APBA2: variants seen among roughly 807,000 people sequenced by gnomAD.
APBA2 encodes the protein amyloid-beta A4 precursor protein-binding family A member 2.
Under a neutral mutation model 75.0 loss-of-function variants are expected in APBA2, and 30 were observed. The observed-to-expected ratio is 0.40, with a 90% confidence interval of 0.30 to 0.54. The LOEUF (loss-of-function observed/expected upper bound fraction) is 0.54. APBA2 is among the 20% of genes least tolerant of loss of function. The pLI, the probability that APBA2 is intolerant of heterozygous loss-of-function variation, is 0.49. For synonymous variants in APBA2, 444 were observed against 409.6 expected (o/e 1.08, Z -1.01); for missense variants, 801 against 1,016.1 (o/e 0.79, Z 2.88).
intron 1 of APBA2, among the ~76,000 whole-genome samples, chr15:28,903,959 G>A (rs1208676172): frequency 6.6e-6 from 1 of 152,158 alleles, no homozygotes; most frequent in Non-Finnish European, 1.5e-5. Context: ...CGGATTTTGT[G>A]ACAAAATTAG....
At chr15:28,990,225 C>T (rs1419093936) in intron 2 of APBA2, among the ~76,000 whole-genome samples, 3 of 151,982 alleles carry the variant, frequency 2.0e-5, no homozygotes, top group East Asian at 1.9e-4. Context: ...GCCTGGCCAA[C>T]GTGGCGAAAC....
chr15:28,970,899 CAT>C (rs1048016492), intron 2 of APBA2, among the ~76,000 whole-genome samples: 3 of 152,114 alleles, frequency 2.0e-5, no homozygotes, highest in African/African-American at 7.2e-5. Context: ...TATGTGTGCC[CAT>C]GTGTGTGCAC....
chr15:29,045,838 T>G (rs1265275285), intron 3 of APBA2, among the ~76,000 whole-genome samples: 1 of 152,196 alleles, frequency 6.6e-6, no homozygotes, highest in Non-Finnish European at 1.5e-5. Flanking sequence ...TGGGAAGTAA[T>G]GTGCCCTCAG....
At chr15:29,098,230 A>G (rs551108093) in intron 8 of APBA2, among the ~76,000 whole-genome samples, 4 of 152,000 alleles carry the variant, frequency 2.6e-5, no homozygotes, top group African/African-American at 7.2e-5. Flanking sequence ...CCGCCATTCT[A>G]TTCTCCACAG....
intron 5 of APBA2, among the ~76,000 whole-genome samples, chr15:29,075,804 C>T (rs373087384): frequency 2.2e-4 from 33 of 152,206 alleles, no homozygotes; most frequent in African/African-American, 7.7e-4. Flanking sequence ...CCCTAGGCTC[C>T]CTTCTAGTCA....
chr15:28,919,144 G>A (rs917993979), intron 1 of APBA2, among the ~76,000 whole-genome samples: 1 of 152,212 alleles, frequency 6.6e-6, no homozygotes, highest in Non-Finnish European at 1.5e-5. Context: ...ACAGGCGTGA[G>A]CCACTGCGCC....
intron 1 of APBA2, among the ~76,000 whole-genome samples, chr15:28,887,028 A>G (rs1217686579): frequency 6.6e-6 from 1 of 152,202 alleles, no homozygotes; most frequent in East Asian, 1.9e-4. Flanking sequence ...GGAGGGGGCG[A>G]ACTTCCTTTC....
intron 6 of APBA2, among the ~76,000 whole-genome samples, chr15:29,081,385 T>C (rs769626388): frequency 3.9e-5 from 6 of 152,224 alleles, no homozygotes; most frequent in Non-Finnish European, 5.9e-5. Flanking sequence ...ATGTTTCTCC[T>C]GTACTACATG....
At chr15:28,897,985 G>A (rs928857141) in intron 1 of APBA2, among the ~76,000 whole-genome samples, 2 of 152,158 alleles carry the variant, frequency 1.3e-5, no homozygotes, top group East Asian at 1.9e-4. Flanking sequence ...CTCAAGGATC[G>A]TATAAGAGAG....
chr15:29,060,466 T>A (rs2152900662), intron 4 of APBA2, among the ~76,000 whole-genome samples: 1 of 152,352 alleles, frequency 6.6e-6, no homozygotes. Context: ...AGTCCGCGTT[T>A]GAGCCTGCCT....
intron 1 of APBA2, among the ~76,000 whole-genome samples, chr15:28,897,722 C>T (rs2032592974): frequency 6.6e-6 from 1 of 150,922 alleles, no homozygotes. Context: ...GACATTCGTA[C>T]AACTGCTTTG....
intron 3 of APBA2, among the ~76,000 whole-genome samples, chr15:29,033,743 G>A (rs1234413692): frequency 6.6e-6 from 1 of 152,168 alleles, no homozygotes; most frequent in African/African-American, 2.4e-5. Flanking sequence ...GCTGGATCAC[G>A]AGGTCAGGAG....
chr15:28,943,591 G>GT (rs147032376), intron 2 of APBA2, among the ~76,000 whole-genome samples: 4,221 of 152,346 alleles, frequency 0.028, 80 homozygotes, highest in Non-Finnish European at 0.042. Flanking sequence ...AGTTGCAGAT[G>GT]TCTCAGCCAT....
chr15:28,934,562 A>T (rs2034746990), intron 2 of APBA2, among the ~76,000 whole-genome samples: 2 of 152,120 alleles, frequency 1.3e-5, no homozygotes, highest in South Asian at 4.1e-4. Flanking sequence ...AAGGCGGGAA[A>T]CCAGGGGCTT....
At chr15:28,916,397 T>A (rs1386163629) in intron 1 of APBA2, among the ~76,000 whole-genome samples, 1 of 152,198 alleles carries the variant, frequency 6.6e-6, no homozygotes, top group East Asian at 1.9e-4. Flanking sequence ...GGCACACAGG[T>A]GGGTTTGATT....
At chr15:28,966,604 T>G (rs2036752055) in intron 2 of APBA2, among the ~76,000 whole-genome samples, 1 of 152,206 alleles carries the variant, frequency 6.6e-6, no homozygotes, top group East Asian at 1.9e-4. Context: ...TGTAGGTAGC[T>G]TGTAGGTTAT....
In APBA2 at chr15:28,918,328, C is replaced by G. The variant is rs1426143373; in HGVS notation, c.-204-3312C>G. 6.6e-6 allele frequency among the ~76,000 whole-genome samples: 1 copy of G among 152,206 alleles called. No homozygotes were observed. The highest frequency in any genetic ancestry group is 1.5e-5 in the Non-Finnish European group (1 of 68,042). ...TATTTTGGAATGGCCACCTGGCCAA[C>G]TGGCACACAGGGAGAACTCATGAAA... On this transcript the variant is annotated intron_variant, in intron 1 of 14. Coordinates refer to ENST00000683413, the MANE Select transcript of APBA2 (RefSeq NM_001353788.2). This position sits in a 1 kb window ranked among gnomAD's most constrained non-coding sequence, Gnocchi z 4.2.
Position 29,106,699 on chromosome 15 carries a change from C to T in APBA2, c.1797C>T (p.Asn599=). The T allele has an allele frequency of 1.2e-6, 2 of 1,613,122 alleles. No individual in the cohort carries two copies. The highest frequency in any genetic ancestry group is 1.7e-6 in the Non-Finnish European group (2 of 1,180,014). Residue 599 remains asparagine (N), a synonymous_variant, in exon 12 of 15, where the codon AAC becomes AAT. Coordinates refer to ENST00000683413, the MANE Select transcript of APBA2 (RefSeq NM_001353788.2). Reference sequence around the variant, plus strand: ...TCCTGCCCACGGTGATCCTGGCCAACATGATGAATGGCGGCCCGGCTGCCC... The same window carrying T: ...TCCTGCCCACGGTGATCCTGGCCAATATGATGAATGGCGGCCCGGCTGCCC... ...GSILPTVILA[N]MMNGGPAARS...
chr15:28,903,703 G>A (rs900967247), intron 1 of APBA2, among the ~76,000 whole-genome samples: 1 of 152,188 alleles, frequency 6.6e-6, no homozygotes, highest in Non-Finnish European at 1.5e-5. Flanking sequence ...TCCAGCTTGC[G>A]GCTGGCAATG....
Sources: gnomAD v4.1 joint callset for allele counts (sites outside exome capture counted in the v4.1 genomes callset) on GRCh38, gnomAD v4.1.1 for gene constraint, Gnocchi (gnomAD v3.1) non-coding constraint, MANE v1.5 for transcripts, NCBI Gene and HGNC (gene_info 2026-07-23, HGNC 2026-07-21) for gene names.